TMC1: variants seen among roughly 807,000 people sequenced by gnomAD.
TMC1 encodes the protein transmembrane channel-like protein 1.
TMC1 carries 84 observed loss-of-function variants against 105.8 expected under a neutral mutation model. That is an observed-to-expected ratio of 0.79 (90% CI 0.67 to 0.95). TMC1 has a LOEUF of 0.95. TMC1 is among the 40% of genes least tolerant of loss of function. The pLI, the probability that TMC1 is intolerant of heterozygous loss-of-function variation, is 0.00. For synonymous variants in TMC1, 315 were observed against 311.5 expected (o/e 1.01, Z -0.12); for missense variants, 817 against 914.1 (o/e 0.89, Z 1.37).
intron 5 of TMC1, among the ~76,000 whole-genome samples, chr9:72,650,458 A>T (rs963035147): frequency 1.3e-5 from 2 of 152,102 alleles, no homozygotes; most frequent in African/African-American, 4.8e-5. Flanking sequence ...CCTTACTATG[A>T]TGACTTCCAA....
chr9:72,812,301 C>T (rs369473456), intron 18 of TMC1, among the ~76,000 whole-genome samples: 3 of 152,096 alleles, frequency 2.0e-5, no homozygotes, highest in South Asian at 2.1e-4. Flanking sequence ...TATATCAGTT[C>T]GGGAAGGTAG....
chr9:72,746,296 G>A (rs1279957299), intron 10 of TMC1, among the ~76,000 whole-genome samples: 1 of 152,160 alleles, frequency 6.6e-6, no homozygotes, highest in Non-Finnish European at 1.5e-5. Context: ...TGAGCAAATA[G>A]TGGATGCCTA....
rs1829025418 is a variant in TMC1 at position 72,830,626 on chromosome 9, T to G, written c.2209-5T>G. ...ACTTTTTTCCCCTTATTTTTTATTG[T>G]GTAGCAAGCTTTGGAGAACAAAATG... is the stretch of plus-strand genomic sequence containing the variant. On this transcript the variant is annotated splice_region_variant and splice_polypyrimidine_tract_variant and intron_variant, in intron 22 of 23. Coordinates refer to ENST00000297784, the MANE Select transcript of TMC1 (RefSeq NM_138691.3). 4 of 1,613,658 alleles carry G rather than the reference T, an allele frequency of 2.5e-6. No homozygotes were observed. Among genetic ancestry groups the G allele is most frequent in the East Asian group, 2.2e-5 (1 of 44,866 alleles).
At chr9:72,684,757 C>G (rs1486833467) in intron 5 of TMC1, among the ~76,000 whole-genome samples, 1 of 152,136 alleles carries the variant, frequency 6.6e-6, no homozygotes, top group African/African-American at 2.4e-5. Flanking sequence ...AGCTATTCTC[C>G]CTACAGTCTT....
intron 5 of TMC1, among the ~76,000 whole-genome samples, chr9:72,671,167 T>TG (rs541833624): frequency 1.4e-3 from 218 of 152,326 alleles, no homozygotes; most frequent in Non-Finnish European, 2.2e-3. Flanking sequence ...AGAAATATAA[T>TG]GGGGCATATA....
chr9:72,679,025 C>G (rs1401882379), intron 5 of TMC1, among the ~76,000 whole-genome samples: 1 of 151,998 alleles, frequency 6.6e-6, no homozygotes, highest in Admixed American at 6.6e-5. Flanking sequence ...TAGTTTCTTT[C>G]TTTTGTTTTC....
At chr9:72,683,384 C>T (rs1029532694) in intron 5 of TMC1, among the ~76,000 whole-genome samples, 10 of 152,006 alleles carry the variant, frequency 6.6e-5, no homozygotes, top group Admixed American at 3.3e-4. Context: ...TCAAAATATG[C>T]ATCCCCATCA....
Position 72,830,614 on chromosome 9 carries a change from T to G in TMC1, c.2209-17T>G, listed in dbSNP as rs762114112. 7 of 1,613,274 alleles carry G rather than the reference T, an allele frequency of 4.3e-6. No individual in the cohort carries two copies. Among genetic ancestry groups the G allele is most frequent in the Non-Finnish European group, 5.9e-6 (7 of 1,179,472 alleles). On this transcript the variant is annotated splice_polypyrimidine_tract_variant and intron_variant, in intron 22 of 23. Coordinates refer to ENST00000297784, the MANE Select transcript of TMC1 (RefSeq NM_138691.3). Reference sequence around the variant, plus strand: ...ACTGAGAAATCTACTTTTTTCCCCTTATTTTTTATTGTGTAGCAAGCTTTG... The same window carrying G: ...ACTGAGAAATCTACTTTTTTCCCCTGATTTTTTATTGTGTAGCAAGCTTTG...
At chr9:72,656,963 C>T (rs1825894089) in intron 5 of TMC1, among the ~76,000 whole-genome samples, 1 of 152,166 alleles carries the variant, frequency 6.6e-6, no homozygotes, top group Non-Finnish European at 1.5e-5. Flanking sequence ...GGTTGGTAGC[C>T]TAAGCTATTC....
chr9:72,641,370 G>A (rs1237825564), intron 4 of TMC1, among the ~76,000 whole-genome samples: 1 of 152,196 alleles, frequency 6.6e-6, no homozygotes, highest in Non-Finnish European at 1.5e-5. Flanking sequence ...TGGGATAGCA[G>A]GCGTGAGCCA....
chr9:72,539,416 C>A (rs1347387938), intron 1 of TMC1, among the ~76,000 whole-genome samples: 1 of 151,850 alleles, frequency 6.6e-6, no homozygotes, highest in Non-Finnish European at 1.5e-5. Context: ...AAAAACAAAA[C>A]AAAACAAAAC....
chr9:72,743,385 A>AT (rs1564526253), intron 10 of TMC1, among the ~76,000 whole-genome samples: 1 of 150,292 alleles, frequency 6.7e-6, no homozygotes, highest in African/African-American at 2.4e-5. Context: ...AAAAAAATAA[A>AT]AAAAATAAAA....
rs570280137 is a variant in TMC1 at position 72,815,964 on chromosome 9, T to TA, written c.1696-168dup. ...ATTTAAAAATGAGTCTCACTGTGTT[T>TA]AAAAAAAAAAAGGTGCTTTCTTTGT... On this transcript the variant is annotated intron_variant, in intron 18 of 23. Coordinates refer to ENST00000297784, the MANE Select transcript of TMC1 (RefSeq NM_138691.3). 3.2e-4 allele frequency among the ~76,000 whole-genome samples: 47 copies of TA among 147,358 alleles called. 1 individual carries two copies. The highest frequency in any genetic ancestry group is 1.2e-3 in the East Asian group (6 of 5,102).
At chr9:72,545,137 TACACACACACAC>T (rs61673540) in intron 1 of TMC1, among the ~76,000 whole-genome samples, 14 of 148,078 alleles carry the variant, frequency 9.5e-5, no homozygotes, top group Admixed American at 2.0e-4. Flanking sequence ...GATATATATA[TACACACACACAC>T]ACACACACAC....
intron 18 of TMC1, among the ~76,000 whole-genome samples, chr9:72,809,932 A>AGT (rs1828669806): frequency 6.6e-6 from 1 of 151,240 alleles, no homozygotes; most frequent in Non-Finnish European, 1.5e-5. Context: ...TTGAAGAGAA[A>AGT]GTGTGTGTGT....
intron 1 of TMC1, among the ~76,000 whole-genome samples, chr9:72,549,902 G>C (rs1310831545): frequency 6.6e-6 from 1 of 151,680 alleles, no homozygotes; most frequent in African/African-American, 2.4e-5. Context: ...GTGAGCCACC[G>C]AGCCCGGCCT....
In TMC1 at chr9:72,772,412, G is replaced by C; in HGVS notation, c.742-1G>C. 1 of 1,613,772 alleles carries C rather than the reference G, an allele frequency of 6.2e-7. No individual in the cohort carries two copies. The highest frequency in any genetic ancestry group is 8.5e-7 in the Non-Finnish European group (1 of 1,179,720). On this transcript the variant is annotated splice_acceptor_variant, in intron 12 of 23. Transcript: ENST00000297784. LOFTEE classifies it high-confidence loss of function. ...TAAGTGGCTTTGTTGTTGGATTTCA[G>C]GGTTTGGCACAATATTCCGTTCTCT...
intron 8 of TMC1, among the ~76,000 whole-genome samples, chr9:72,722,487 C>A (rs1208608026): frequency 1.3e-5 from 2 of 152,094 alleles, no homozygotes; most frequent in African/African-American, 4.8e-5. Flanking sequence ...CAAATGAATT[C>A]TCTTGATTAT....
At chr9:72,698,242 T>C (rs1036746662) in intron 7 of TMC1, among the ~76,000 whole-genome samples, 9 of 152,138 alleles carry the variant, frequency 5.9e-5, no homozygotes, top group Non-Finnish European at 8.8e-5. Context: ...CTAAGCAAAA[T>C]GTTTGAATTG....
Sources: gnomAD v4.1 joint callset for allele counts (sites outside exome capture counted in the v4.1 genomes callset) on GRCh38, gnomAD v4.1.1 for gene constraint, MANE v1.5 for transcripts, NCBI Gene and HGNC (gene_info 2026-07-23, HGNC 2026-07-21) for gene names.